The following XDH variants were observed in gnomAD, a reference collection of about 807,000 sequenced individuals.
XDH encodes the protein xanthine dehydrogenase.
XDH carries 138 observed loss-of-function variants against 156.1 expected under a neutral mutation model. That is an observed-to-expected ratio of 0.88 (90% confidence interval 0.77 to 1.02). The LOEUF is 1.02. XDH is among the 50% of genes least tolerant of loss of function. The pLI is 0.00. For missense variants in XDH, 1,849 were observed against 1,684.9 expected (o/e 1.10, Z -1.71); for synonymous variants, 669 against 625.7 (o/e 1.07, Z -1.03).
chr2:31,337,029 T>C (rs1684985895), intron 35 of XDH, among the ~76,000 whole-genome samples: 1 of 151,518 alleles, frequency 6.6e-6, no homozygotes, highest in African/African-American at 2.4e-5. Context: ...ACATAGGTGC[T>C]TCTTAAAGTG....
At chr2:31,387,267 T>C (rs114631056) in intron 8 of XDH, among the ~76,000 whole-genome samples, 2 of 152,300 alleles carry the variant, frequency 1.3e-5, no homozygotes, top group African/African-American at 4.8e-5. Context: ...CTTCAAAAAC[T>C]CCGAGTGGCT....
chr2:31,379,717 CA>C, intron 13 of XDH, 149 bp downstream of exon 13: 1 of 815,110 alleles, frequency 1.2e-6, no homozygotes, highest in Non-Finnish European at 2.1e-6. Flanking sequence ...ATGGTTGGTT[CA>C]ACAGAGGCAA....
At position 31,377,093 on chromosome 2, in the gene XDH, T is replaced by C. The variant is rs1453053866; in HGVS notation, c.1387A>G (p.Thr463Ala). The C allele has an allele frequency of 6.2e-7, 1 of 1,614,120 alleles. No individual in the cohort carries two copies. The highest frequency in any genetic ancestry group is 8.5e-7 in the Non-Finnish European group (1 of 1,180,012). The change falls in exon 14 of 36, where the codon ACC (threonine) becomes GCC (alanine). Residue 463 changes from threonine to alanine, a missense_variant. Physicochemically the swap from Thr to Ala is moderately conservative, Grantham distance 58. Coordinates refer to ENST00000379416, the MANE Select transcript of XDH (RefSeq NM_000379.4). ...TGAGTGGTCTTGAGGGCTGAGATGGTTCTGTTGGCCATTCCACCATAGCAA... is the reference window on the plus strand; with the variant it reads ...TGAGTGGTCTTGAGGGCTGAGATGGCTCTGTTGGCCATTCCACCATAGCAA... ...ALCYGGMANR[T>A]ISALKTTQRQ...
At chr2:31,344,886 A>T in intron 30 of XDH, 150 bp from the exon 31 acceptor site, 1 of 777,624 alleles carries the variant, frequency 1.3e-6, no homozygotes, top group Non-Finnish European at 2.2e-6. Context: ...TTACATTGTC[A>T]CTGGCACCAC....
chr2:31,406,914 T>C (rs576155444), intron 1 of XDH, among the ~76,000 whole-genome samples: 2 of 152,228 alleles, frequency 1.3e-5, no homozygotes, highest in South Asian at 2.1e-4. Context: ...AAACCAAAGA[T>C]CCATCACTAG....
At chr2:31,379,317 C>T (rs1033794000) in intron 13 of XDH, among the ~76,000 whole-genome samples, 16 of 152,308 alleles carry the variant, frequency 1.1e-4, no homozygotes, top group Admixed American at 7.8e-4. Flanking sequence ...AGCAACACCT[C>T]GTCAAGCCTA....
rs1272369602 is a variant in XDH at position 31,414,740 on chromosome 2, T to C, written c.-74A>G. ...CACTGGCAGGTAGTTATCACTGCTCTGTGACCTGAAAGTTACGCCTCCCAA... is the reference window on the plus strand; with the variant it reads ...CACTGGCAGGTAGTTATCACTGCTCCGTGACCTGAAAGTTACGCCTCCCAA... On this transcript the variant is annotated 5_prime_UTR_variant, in exon 1 of 36. Transcript: ENST00000379416. 16 of 1,571,266 alleles carry C rather than the reference T, an allele frequency of 1.0e-5. No individual in the cohort carries two copies. The highest frequency in any genetic ancestry group is 1.3e-5 in the Non-Finnish European group (15 of 1,141,126).
chr2:31,392,369 T>C (rs1686790286), intron 6 of XDH, among the ~76,000 whole-genome samples: 1 of 151,722 alleles, frequency 6.6e-6, no homozygotes, highest in Admixed American at 6.6e-5. Flanking sequence ...TTTCTAGTTT[T>C]CTAAAGTGGG....
chr2:31,406,733 A>C (rs1279499960), intron 1 of XDH, among the ~76,000 whole-genome samples: 2 of 152,226 alleles, frequency 1.3e-5, no homozygotes, highest in African/African-American at 4.8e-5. Flanking sequence ...TTTCAGGGGC[A>C]TCTGAGAGCA....
In XDH at chr2:31,366,884, T is replaced by C. The variant is rs1572533175; in HGVS notation, c.2308A>G (p.Thr770Ala). The C allele has an allele frequency of 5.6e-6, 9 of 1,614,184 alleles. No individual in the cohort carries two copies. The highest frequency in any genetic ancestry group is 7.6e-6 in the Non-Finnish European group (9 of 1,180,028). The change falls in exon 21 of 36, where the codon ACC (threonine) becomes GCC (alanine). Residue 770 changes from threonine (T) to alanine (A), a missense_variant. Transcript: ENST00000379416. ...EMELFVSTQN[T>A]MKTQSFVAKM... Reference sequence around the variant, plus strand: ...AAGGCATCTACCTGGGTCTTCATGGTGTTCTGTGTAGACACAAAGAGCTCC... The same window carrying C: ...AAGGCATCTACCTGGGTCTTCATGGCGTTCTGTGTAGACACAAAGAGCTCC...
In XDH at chr2:31,342,288, A is replaced by T; in HGVS notation, c.3414T>A (p.Asn1138Lys). ...AGTTAGTCTCAAAGCTGTAGCCCAG[A>T]TTGGGTGTTCTGGGAGAGGAAAGAG... The part of the protein sequence containing the change: ...LSATGFYRTP[N>K]LGYSFETNSG... Residue 1138 changes from asparagine to lysine, a missense_variant, in exon 32 of 36, where the codon AAT becomes AAA. Coordinates refer to ENST00000379416, the MANE Select transcript of XDH (RefSeq NM_000379.4). The T allele has an allele frequency of 6.2e-7, 1 of 1,613,972 alleles. No homozygotes were observed.
chr2:31,383,642 A>T, intron 10 of XDH, 113 bp downstream of exon 10: 1 of 966,704 alleles, frequency 1.0e-6, no homozygotes, highest in Non-Finnish European at 1.6e-6. Context: ...CCCCAGGAGA[A>T]GCAGGGGGCA....
intron 18 of XDH, among the ~76,000 whole-genome samples, chr2:31,369,881 T>C (rs1686028251): frequency 6.6e-6 from 1 of 152,232 alleles, no homozygotes; most frequent in African/African-American, 2.4e-5. Flanking sequence ...GAGTAAAATA[T>C]AAGGACTTTT....
At chr2:31,365,826 T>C (rs1572532162) in intron 22 of XDH, 150 bp downstream of exon 22, 4 of 1,344,272 alleles carry the variant, frequency 3.0e-6, no homozygotes, top group East Asian at 2.5e-5. Context: ...CCTCCCACTA[T>C]GCCCAAGGGT....
At chr2:31,352,191 G>A (rs1476460751) in intron 24 of XDH, among the ~76,000 whole-genome samples, 2 of 151,814 alleles carry the variant, frequency 1.3e-5, no homozygotes, top group Non-Finnish European at 2.9e-5. Flanking sequence ...TCCATTTTTG[G>A]GAGATTTGTC....
At chr2:31,375,670 G>C in intron 14 of XDH, 116 bp from the exon 15 acceptor site, 1 of 1,263,396 alleles carries the variant, frequency 7.9e-7, no homozygotes, top group Non-Finnish European at 1.1e-6. Context: ...AATTTGGCTT[G>C]GATACTTAGA....
intron 5 of XDH, among the ~76,000 whole-genome samples, chr2:31,398,146 G>T (rs536858285): frequency 6.6e-6 from 1 of 152,254 alleles, no homozygotes; most frequent in Admixed American, 6.5e-5. Flanking sequence ...GAATAGATGG[G>T]GAGGCTTCTC....
chr2:31,341,333 C>A lies in XDH; in HGVS notation c.3581G>T (p.Gly1194Val), dbSNP rs1388492434. Reference sequence around the variant, plus strand: ...CCTGGTCCCACTGAGCCTCACCTGTCCAATATCAATGGCAGGGTTTAGACT... The same window carrying A: ...CCTGGTCCCACTGAGCCTCACCTGTACAATATCAATGGCAGGGTTTAGACT... ...GSSLNPAIDI[G>V]QVEGAFVQGL... Residue 1194 changes from glycine to valine, a missense_variant, in exon 33 of 36, where the codon GGA (glycine) becomes GTA (valine). Gly to Val is a moderately radical substitution (Grantham distance 109, BLOSUM62 -3). Coordinates refer to ENST00000379416, the MANE Select transcript of XDH (RefSeq NM_000379.4). The A allele has an allele frequency of 5.1e-6, 8 of 1,571,820 alleles. No individual in the cohort carries two copies. In the African/African-American group the frequency reaches 5.4e-5, roughly 11 times the overall value.
chr2:31,406,057 T>C (rs1275763996), intron 1 of XDH, 93 bp from the exon 2 acceptor site: 1 of 1,393,030 alleles, frequency 7.2e-7, no homozygotes, highest in East Asian at 2.3e-5. Flanking sequence ...CTCAATAATT[T>C]GTAGAGTTAG....
Sources: gnomAD v4.1 joint callset for allele counts (sites outside exome capture counted in the v4.1 genomes callset) on GRCh38, gnomAD v4.1.1 for gene constraint, MANE v1.5 for transcripts, NCBI Gene and HGNC (gene_info 2026-07-23, HGNC 2026-07-21) for gene names.